Variants in KANK1 observed in about 807,000 individuals in gnomAD.
KANK1 encodes KN motif and ankyrin repeat domain-containing protein 1.
Under a neutral mutation model 106.2 loss-of-function variants are expected in KANK1, and 109 were observed. The ratio of observed to expected loss-of-function variants is 1.03; its 90% CI spans 0.88 to 1.20. The LOEUF is 1.20. KANK1 is among the 50% of genes most tolerant of loss of function. The pLI is 0.00. For missense variants in KANK1, 2,399 were observed against 1,710.7 expected, an observed-to-expected ratio of 1.40 and a Z score of -7.10; for synonymous variants, 873 against 652.2, an observed-to-expected ratio of 1.34 and a Z score of -5.16.
chr9:632,341 A>G (rs1049699704), intron 1 of KANK1, among the ~76,000 whole-genome samples: 3 of 152,158 alleles, frequency 2.0e-5, no homozygotes, highest in Non-Finnish European at 2.9e-5. Flanking sequence ...GCTTTACCTT[A>G]GGGCTCTAAG....
In KANK1 at chr9:573,883, A is replaced by G. The variant is rs76345434; in HGVS notation, c.-84+69129A>G. On this transcript the variant is annotated intron_variant, in intron 1 of 11. Coordinates refer to ENST00000382297, the MANE Select transcript of KANK1 (RefSeq NM_015158.5). ...AAAGGTTTTCTGTTAGACTGGGTGG[A>G]CTGTAGATGAACAGGGCACTTTTTG... Among the ~76,000 whole-genome samples the G allele has an allele frequency of 2.0e-5, 3 of 152,332 alleles. No homozygotes were observed. In the East Asian group the frequency reaches 5.8e-4, roughly 29 times the overall value.
chr9:518,702 A>G (rs1437142177), intron 1 of KANK1, among the ~76,000 whole-genome samples: 1 of 151,466 alleles, frequency 6.6e-6, no homozygotes, highest in Non-Finnish European at 1.5e-5. Flanking sequence ...AAGTCCTCAA[A>G]GAGCCACCTT....
intron 2 of KANK1, among the ~76,000 whole-genome samples, chr9:709,892 C>T (rs1366870141): frequency 6.6e-6 from 1 of 152,162 alleles, no homozygotes; most frequent in African/African-American, 2.4e-5. Context: ...GCTGGGATTA[C>T]AGGAGTGAGC....
At chr9:722,344 T>C (rs979532526) in intron 3 of KANK1, among the ~76,000 whole-genome samples, 1 of 152,188 alleles carries the variant, frequency 6.6e-6, no homozygotes, top group Non-Finnish European at 1.5e-5. Flanking sequence ...TCTCTGTCTG[T>C]CTGCCTCTCT....
At chr9:588,443 C>G (rs1412139273) in intron 1 of KANK1, among the ~76,000 whole-genome samples, 1 of 152,104 alleles carries the variant, frequency 6.6e-6, no homozygotes, top group Non-Finnish European at 1.5e-5. Context: ...ATGTAGCACT[C>G]AGGTGTTGAT....
chr9:689,351 C>T (rs955935741), intron 2 of KANK1, among the ~76,000 whole-genome samples: 6 of 152,180 alleles, frequency 3.9e-5, no homozygotes, highest in African/African-American at 1.4e-4. Flanking sequence ...CATCAGATAG[C>T]ATCGTCTTCC....
intron 1 of KANK1, among the ~76,000 whole-genome samples, chr9:514,016 CG>C (rs1254629055): frequency 2.0e-5 from 3 of 151,532 alleles, no homozygotes; most frequent in African/African-American, 7.3e-5. Flanking sequence ...GACTCCGTCT[CG>C]AACAAAAGTT....
At chr9:624,029 G>A (rs1358856938) in intron 1 of KANK1, among the ~76,000 whole-genome samples, 1 of 152,136 alleles carries the variant, frequency 6.6e-6, no homozygotes, top group Non-Finnish European at 1.5e-5. Flanking sequence ...TATATATACA[G>A]GATAGAATAA....
In KANK1 at chr9:713,124, G is replaced by T; in HGVS notation, c.2358G>T (p.Leu786Phe). The T allele has an allele frequency of 6.2e-7, 1 of 1,603,152 alleles. No individual in the cohort carries two copies. Among genetic ancestry groups the T allele is most frequent in the Non-Finnish European group, 8.5e-7 (1 of 1,172,730 alleles). ...MRTIACGPPQ[L>F]TVGLTASRRS... Reference sequence around the variant, plus strand: ...CTATAGCTTGTGGGCCACCACAGTTGACTGTGGGGCTGACAGCCAGCAGAA... The same window carrying T: ...CTATAGCTTGTGGGCCACCACAGTTTACTGTGGGGCTGACAGCCAGCAGAA... Residue 786 changes from leucine to phenylalanine, a missense_variant, in exon 3 of 12, where the codon TTG (leucine) becomes TTT (phenylalanine). Physicochemically the swap from Leu to Phe is conservative, Grantham distance 22. Coordinates refer to ENST00000382297, the MANE Select transcript of KANK1 (RefSeq NM_015158.5).
chr9:482,432 G>T (rs939201259), intron 3 of KANK1, among the ~76,000 whole-genome samples: 2 of 152,176 alleles, frequency 1.3e-5, no homozygotes, highest in African/African-American at 4.8e-5. Context: ...CAACGTGCCA[G>T]AATCTGTGCT....
intron 1 of KANK1, among the ~76,000 whole-genome samples, chr9:580,185 C>T (rs779340656): frequency 1.8e-4 from 28 of 151,816 alleles, no homozygotes; most frequent in African/African-American, 5.8e-4. Flanking sequence ...GCTCTTAAGG[C>T]GGCGCGTCTG....
chr9:679,805 A>AT (rs1817163072), intron 2 of KANK1, among the ~76,000 whole-genome samples: 1 of 152,212 alleles, frequency 6.6e-6, no homozygotes, highest in African/African-American at 2.4e-5. Flanking sequence ...ATGTCTTCCT[A>AT]TTTTTTATAT....
upstream of KANK1, among the ~76,000 whole-genome samples, chr9:504,395 G>A (rs940342287): frequency 3.3e-5 from 5 of 151,824 alleles, no homozygotes; most frequent in African/African-American, 1.2e-4. Context: ...GGGCCTGGTG[G>A]AGTTGCAGCG....
chr9:632,650 C>A (rs1441935320), intron 1 of KANK1, among the ~76,000 whole-genome samples: 1 of 152,064 alleles, frequency 6.6e-6, no homozygotes, highest in Non-Finnish European at 1.5e-5. Flanking sequence ...ATCACATTAT[C>A]TGCTTTGATC....
At chr9:607,359 C>T (rs988375309) in intron 1 of KANK1, among the ~76,000 whole-genome samples, 47 of 151,536 alleles carry the variant, frequency 3.1e-4, no homozygotes, top group Admixed American at 2.7e-3. Context: ...GCGACGCACA[C>T]CTGTAGTCCC....
intron 1 of KANK1, among the ~76,000 whole-genome samples, chr9:576,585 T>G (rs1052632752): frequency 2.6e-4 from 39 of 152,236 alleles, no homozygotes; most frequent in Admixed American, 2.1e-3. Context: ...TTTGCTTCGA[T>G]TCTTTCACTG....
At chr9:717,525 A>G (rs932442594) in intron 3 of KANK1, among the ~76,000 whole-genome samples, 2 of 152,166 alleles carry the variant, frequency 1.3e-5, no homozygotes, top group Non-Finnish European at 2.9e-5. Flanking sequence ...TTTGAGAGAC[A>G]ATGTCTTGGT....
At chr9:642,705 A>G (rs1411409051) in intron 1 of KANK1, among the ~76,000 whole-genome samples, 2 of 150,166 alleles carry the variant, frequency 1.3e-5, no homozygotes, top group African/African-American at 5.0e-5. Context: ...ATTTATTTGG[A>G]TTTCTAGAGG....
At chr9:634,695 A>C (rs1003758257) in intron 1 of KANK1, among the ~76,000 whole-genome samples, 3 of 152,170 alleles carry the variant, frequency 2.0e-5, no homozygotes, top group African/African-American at 7.2e-5. Context: ...TTACAAACTA[A>C]ATTTCTCCCG....
Sources: gnomAD v4.1 joint callset for allele counts (sites outside exome capture counted in the v4.1 genomes callset) on GRCh38, gnomAD v4.1.1 for gene constraint, MANE v1.5 for transcripts, NCBI Gene and HGNC (gene_info 2026-07-23, HGNC 2026-07-21) for gene names.